Variants in WWOX observed in about 807,000 individuals in gnomAD.
WWOX encodes the protein WW domain-containing oxidoreductase.
WWOX carries 69 observed loss-of-function variants against 46.2 expected under a neutral mutation model. The ratio of observed to expected loss-of-function variants is 1.49; its 90% CI spans 1.23 to 1.82. WWOX has a LOEUF of 1.82. Among genes scored for constraint, WWOX ranks in the 40% most tolerant of loss-of-function variants. WWOX has a pLI of 0.00. For missense variants in WWOX, 919 were observed against 542.6 expected (o/e 1.69, Z -6.89); for synonymous variants, 359 against 202.6 (o/e 1.77, Z -6.56).
chr16:78,156,156 A>G (rs2034589478), intron 4 of WWOX, among the ~76,000 whole-genome samples: 1 of 152,246 alleles, frequency 6.6e-6, no homozygotes, highest in Non-Finnish European at 1.5e-5. Flanking sequence ...ACCCGTAACT[A>G]CAGTCAGGAA....
intron 8 of WWOX, among the ~76,000 whole-genome samples, chr16:78,716,363 C>T (rs538522887): frequency 6.6e-6 from 1 of 152,218 alleles, no homozygotes; most frequent in East Asian, 1.9e-4. Context: ...CTGGGTTCCG[C>T]AACTGCAAAA....
In WWOX at chr16:78,567,552, C is replaced by CAAAAAAAAA. The variant is rs71272440; in HGVS notation, c.1056+134815_1056+134823dup. On this transcript the variant is annotated intron_variant, in intron 8 of 8. Coordinates refer to ENST00000566780, the MANE Select transcript of WWOX (RefSeq NM_016373.4). ...TGGGCGACAGAAGGAGACTCCGTCT[C>CAAAAAAAAA]AAAAAAAAAAAAAAAAAAAAAAAGA... 3.5e-3 allele frequency among the ~76,000 whole-genome samples: 184 copies of CAAAAAAAAA among 52,120 alleles called. 1 individual carries two copies. The highest frequency in any genetic ancestry group is 0.01 in the African/African-American group (136 of 13,194). The allele number at this position is 52,120 out of a possible 152,430, so 34.2% of individuals were successfully genotyped here.
rs144411420 is a variant in WWOX at position 78,861,394 on chromosome 16, C to T, written c.1057-350214C>T. Among the ~76,000 whole-genome samples the T allele has an allele frequency of 1.4e-4, 21 of 152,272 alleles. No homozygotes were observed. In the East Asian group the frequency reaches 4.0e-3, roughly 29 times the overall value. ...TTATTTTAAAATGTAAAATGATTTA[C>T]AGAAGTTGACAGAGAGTATAATTAA... On this transcript the variant is annotated intron_variant, in intron 8 of 8. Coordinates refer to ENST00000566780, the MANE Select transcript of WWOX (RefSeq NM_016373.4).
chr16:78,527,292 C>T (rs980299108), intron 8 of WWOX, among the ~76,000 whole-genome samples: 1 of 92,708 alleles, frequency 1.1e-5, no homozygotes, highest in Non-Finnish European at 2.4e-5. Context: ...CTCTTTTTTT[C>T]TTTCTTTTTT....
At chr16:78,161,184 G>C (rs375542943) in intron 4 of WWOX, among the ~76,000 whole-genome samples, 31 of 151,646 alleles carry the variant, frequency 2.0e-4, no homozygotes, top group Admixed American at 2.0e-3. Context: ...AAAACATAAT[G>C]TACATTCTTT....
intron 8 of WWOX, among the ~76,000 whole-genome samples, chr16:78,820,710 C>T (rs184421547): frequency 1.4e-4 from 21 of 152,248 alleles, no homozygotes; most frequent in East Asian, 7.7e-4. Flanking sequence ...AACAAATTAT[C>T]GCAAACTGGG....
chr16:78,368,694 C>T (rs545764054), intron 5 of WWOX, among the ~76,000 whole-genome samples: 59 of 152,342 alleles, frequency 3.9e-4, no homozygotes, highest in African/African-American at 1.4e-3. Flanking sequence ...CTCCCTTCCC[C>T]TCCCCCCTCT....
At chr16:78,839,174 G>GA (rs1026271388) in intron 8 of WWOX, among the ~76,000 whole-genome samples, 6 of 151,972 alleles carry the variant, frequency 3.9e-5, no homozygotes, top group African/African-American at 1.5e-4. Flanking sequence ...TATTTTGGGG[G>GA]AAAAATTCAA....
At position 78,163,737 on chromosome 16, in the gene WWOX, C is replaced by T. The variant is rs776992341; in HGVS notation, c.410-446C>T. Reference sequence around the variant, plus strand: ...ACACTGGTAGAAGCAGAGGTGCTGGCGACACTTACCATAGAGTAGAGCATA... The same window carrying T: ...ACACTGGTAGAAGCAGAGGTGCTGGTGACACTTACCATAGAGTAGAGCATA... On this transcript the variant is annotated intron_variant, in intron 4 of 8. Coordinates refer to ENST00000566780, the MANE Select transcript of WWOX (RefSeq NM_016373.4). 2.4e-4 allele frequency among the ~76,000 whole-genome samples: 37 copies of T among 152,094 alleles called. 1 individual carries two copies. Among genetic ancestry groups the T allele is most frequent in the Admixed American group, 7.2e-4 (11 of 15,272 alleles).
intron 8 of WWOX, among the ~76,000 whole-genome samples, chr16:78,988,524 C>T (rs565927997): frequency 1.3e-5 from 2 of 152,094 alleles, no homozygotes; most frequent in South Asian, 2.1e-4. Flanking sequence ...TTCAGCCTAC[C>T]ACTGGTAATA....
At chr16:78,683,743 C>G (rs1400341434) in intron 8 of WWOX, among the ~76,000 whole-genome samples, 1 of 152,048 alleles carries the variant, frequency 6.6e-6, no homozygotes, top group Non-Finnish European at 1.5e-5. Flanking sequence ...TCTTCAGGGA[C>G]TTGTGGGCAT....
chr16:78,174,491 T>C (rs1243337298), intron 5 of WWOX, among the ~76,000 whole-genome samples: 2 of 152,206 alleles, frequency 1.3e-5, no homozygotes, highest in African/African-American at 4.8e-5. Context: ...AAACATTCAA[T>C]TCACAGCATT....
intron 5 of WWOX, among the ~76,000 whole-genome samples, chr16:78,188,205 C>T (rs754561211): frequency 4.6e-5 from 7 of 151,876 alleles, no homozygotes; most frequent in Non-Finnish European, 1.0e-4. Flanking sequence ...GATTGCTTGC[C>T]TTGGCCGGGC....
chr16:78,612,495 G>C (rs115185332), intron 8 of WWOX, among the ~76,000 whole-genome samples: 1,915 of 152,272 alleles, frequency 0.013, 47 homozygotes, highest in African/African-American at 0.044. Context: ...GTTTTGTTTT[G>C]TAGACAGAGC....
intron 8 of WWOX, among the ~76,000 whole-genome samples, chr16:79,036,731 A>C (rs187127040): frequency 1.8e-4 from 27 of 152,316 alleles, no homozygotes; most frequent in Admixed American, 3.9e-4. Flanking sequence ...GTCTGCAGTG[A>C]GCGAAGGATT....
intron 8 of WWOX, among the ~76,000 whole-genome samples, chr16:78,702,496 C>G (rs761242529): frequency 2.8e-4 from 42 of 151,324 alleles, no homozygotes; most frequent in Non-Finnish European, 5.9e-4. Flanking sequence ...ACTAAAAATA[C>G]AAAAATTAGC....
At chr16:78,869,131 T>C (rs2044070830) in intron 8 of WWOX, among the ~76,000 whole-genome samples, 1 of 152,236 alleles carries the variant, frequency 6.6e-6, no homozygotes, top group Non-Finnish European at 1.5e-5. Context: ...TTAAATACAC[T>C]AGTATATGTA....
rs149940474 is a variant in WWOX, at chr16:78,481,764, T to TGTGTGTGTGTGC, written c.1056+49013_1056+49014insTGTGTGTGTGCG. Among the ~76,000 whole-genome samples the TGTGTGTGTGTGC allele has an allele frequency of 5.7e-4, 84 of 148,020 alleles. 1 individual carries two copies. The highest frequency in any genetic ancestry group is 3.5e-3 in the Middle Eastern group (1 of 282). On this transcript the variant is annotated intron_variant, in intron 8 of 8. Transcript: ENST00000566780. ...GTGTGTGTGTGTGTGTGTGTGTGTG[T>TGTGTGTGTGTGC]GCGCGCGCCTGCATGTGTACTGTGG...
chr16:78,615,487 T>C (rs959655746), intron 8 of WWOX, among the ~76,000 whole-genome samples: 4 of 151,822 alleles, frequency 2.6e-5, no homozygotes, highest in Non-Finnish European at 5.9e-5. Context: ...ATCTCTACTA[T>C]AAATTTAAAA....
Sources: gnomAD v4.1 joint callset for allele counts (sites outside exome capture counted in the v4.1 genomes callset) on GRCh38, gnomAD v4.1.1 for gene constraint, MANE v1.5 for transcripts, NCBI Gene and HGNC (gene_info 2026-07-23, HGNC 2026-07-21) for gene names.